RAVER1: variants seen among roughly 807,000 people sequenced by gnomAD.
RAVER1 encodes the protein ribonucleoprotein PTB-binding 1.
In RAVER1, 36 loss-of-function variants were observed where a neutral mutation model predicts 68.4. The ratio of observed to expected loss-of-function variants is 0.53; its 90% confidence interval spans 0.40 to 0.70. RAVER1 has a LOEUF of 0.70. RAVER1 is among the 30% of genes least tolerant of loss of function. RAVER1 has a pLI of 0.00. For missense variants in RAVER1, 933 were observed against 1,019.8 expected, an observed-to-expected ratio of 0.91 and a Z score of 1.16; for synonymous variants, 469 against 472.7, an observed-to-expected ratio of 0.99 and a Z score of 0.10.
At position 10,322,701 on chromosome 19, in the gene RAVER1, C is replaced by T; in HGVS notation, c.1117G>A (p.Gly373Arg). ...GAPPAMPLLN[G>R]PALSTALLQL... ...AACAGCGCCGTGGACAGGGCTGGCC[C>T]ATTGAGCAGCGGCATGGCTGGGGGG... The change falls in exon 6 of 13, where the codon GGG becomes AGG. Residue 373 changes from glycine (G) to arginine (R), a missense_variant. Gly to Arg is a moderately radical substitution (Grantham distance 125). Around this residue, in one of 3 missense-constraint regions of RAVER1, gnomAD observed 699 missense variants for 731.1 expected, o/e 0.96. Coordinates refer to ENST00000617231, the MANE Select transcript of RAVER1 (RefSeq NM_133452.3). The surrounding 1 kb of genome is among the most constrained non-coding windows in gnomAD (Gnocchi z 4.3). 1 of 1,531,060 alleles carries T rather than the reference C, an allele frequency of 6.5e-7. No homozygotes were observed. Among genetic ancestry groups the T allele is most frequent in the Non-Finnish European group, 8.7e-7 (1 of 1,149,602 alleles). 94.8% of individuals were successfully genotyped at this position (1,531,060 alleles called of 1,614,324 possible).
intron 10 of RAVER1, among the ~76,000 whole-genome samples, chr19:10,318,741 C>T (rs1032382301): frequency 6.6e-6 from 1 of 152,200 alleles, no homozygotes; most frequent in Non-Finnish European, 1.5e-5. Flanking sequence ...TCTTCCTCCT[C>T]CAGGAACCCA....
rs918461302 is a variant in RAVER1, at chr19:10,319,188, G to C, written c.1823C>G (p.Pro608Arg). 4 of 1,613,776 alleles carry C rather than the reference G, an allele frequency of 2.5e-6. No homozygotes were observed. The African/African-American group carries it at 4.0e-5, about 16-fold the overall frequency. ...TACCTTGTGTCGGCTGGGTCCGTGAGGCCCAAGGGCTGGTTCCCGTGGGTG... is the reference window on the plus strand; with the variant it reads ...TACCTTGTGTCGGCTGGGTCCGTGACGCCCAAGGGCTGGTTCCCGTGGGTG... ...FSHPREPALGPHGPSRHKMSP... is the reference protein window; with the variant it reads ...FSHPREPALGRHGPSRHKMSP... Residue 608 changes from proline (P) to arginine (R), a missense_variant, in exon 10 of 13, where the codon CCT becomes CGT. Coordinates refer to ENST00000617231, the MANE Select transcript of RAVER1 (RefSeq NM_133452.3).
intron 11 of RAVER1, among the ~76,000 whole-genome samples, 199 bp downstream of exon 11, chr19:10,318,030 G>T (rs939386658): frequency 7.2e-5 from 11 of 152,210 alleles, no homozygotes; most frequent in Non-Finnish European, 1.5e-4. Flanking sequence ...CAGAAAGCCC[G>T]GAATGCTGGC....
At chr19:10,320,169 G>A (rs2040424802) in intron 9 of RAVER1, among the ~76,000 whole-genome samples, 1 of 152,066 alleles carries the variant, frequency 6.6e-6, no homozygotes, top group Admixed American at 6.6e-5. Flanking sequence ...ACAGGCAGGT[G>A]GACCGGAAGC....
rs149714193 is a variant in RAVER1, at chr19:10,330,953, A to C, written c.220-427T>G. 5.9e-3 allele frequency among the ~76,000 whole-genome samples: 898 copies of C among 151,948 alleles called. 12 individuals carry two copies. Among genetic ancestry groups the C allele is most frequent in the African/African-American group, 0.021 (851 of 41,436 alleles). On this transcript the variant is annotated intron_variant, in intron 1 of 12. Transcript: ENST00000617231. Reference sequence around the variant, plus strand: ...GTGGCGCACACCTGTAATCCTAGCTACTCGGGAGGCTGAGGTAGGAGAACT... The same window carrying C: ...GTGGCGCACACCTGTAATCCTAGCTCCTCGGGAGGCTGAGGTAGGAGAACT...
chr19:10,321,601 T>C lies in RAVER1; in HGVS notation c.1191A>G (p.Gly397=). 7.1e-7 allele frequency: 1 copy of C among 1,409,346 alleles called. No individual in the cohort carries two copies. 87.3% of individuals were successfully genotyped at this position (1,409,346 alleles called of 1,614,324 possible). Residue 397 remains glycine (G), a synonymous_variant, in exon 7 of 13, where the codon GGA becomes GGG. Coordinates refer to ENST00000617231, the MANE Select transcript of RAVER1 (RefSeq NM_133452.3). The part of the protein sequence containing the change: ...TQGQKKPGIL[G]DSPLGALQPG... The stretch of plus-strand genomic sequence containing the variant: ...GCTGGAGGGCGCCCAGGGGTGAGTC[T>C]CCCAGGATGCCGGGCTTCTAGGGAC...
Position 10,328,675 on chromosome 19 carries a change from C to A in RAVER1, c.723G>T (p.Ala241=). Residue 241 remains alanine, a synonymous_variant, in exon 3 of 13, where the codon GCG becomes GCT. Coordinates refer to ENST00000617231, the MANE Select transcript of RAVER1 (RefSeq NM_133452.3). The surrounding 1 kb of genome is among the most constrained non-coding windows in gnomAD (Gnocchi z 4.4). ...AGGTGGGGCTGTGGACAGCTGACAGCGCCCGGCACAGAGCGTCCACATCGT... is the reference window on the plus strand; with the variant it reads ...AGGTGGGGCTGTGGACAGCTGACAGAGCCCGGCACAGAGCGTCCACATCGT... ...GFNDVDALCR[A]LSAVHSPTFC... The A allele has an allele frequency of 3.2e-6, 5 of 1,580,782 alleles. No individual in the cohort carries two copies. The highest frequency in any genetic ancestry group is 1.1e-5 in the South Asian group (1 of 87,076).
At chr19:10,332,905 C>A (rs1187612642) in intron 1 of RAVER1, among the ~76,000 whole-genome samples, 1 of 152,102 alleles carries the variant, frequency 6.6e-6, no homozygotes, top group East Asian at 1.9e-4. Flanking sequence ...TGTGAGGTCC[C>A]GCCACCCTGT....
chr19:10,329,094 T>C lies in RAVER1; in HGVS notation c.304A>G (p.Asn102Asp). 3.4e-6 allele frequency: 5 copies of C among 1,485,262 alleles called. No homozygotes were observed. The highest frequency in any genetic ancestry group is 4.5e-6 in the Non-Finnish European group (5 of 1,115,340). The allele number at this position is 1,485,262 out of a possible 1,614,324, so 92.0% of individuals were successfully genotyped here. Residue 102 changes from asparagine to aspartate, a missense_variant, in exon 3 of 13, where the codon AAT becomes GAT. Physicochemically the swap from Asn to Asp is conservative, Grantham distance 23 (BLOSUM62 1). This residue lies in a region of RAVER1 where 211 missense variants were observed against 230.0 expected (regional missense o/e 0.92). Coordinates refer to ENST00000617231, the MANE Select transcript of RAVER1 (RefSeq NM_133452.3). The surrounding 1 kb of genome is among the most constrained non-coding windows in gnomAD (Gnocchi z 4.6). ...YKGTAFVTLLNGEQAEAAINA... is the reference protein window; with the variant it reads ...YKGTAFVTLLDGEQAEAAINA... ...ATTGCGGCCTCGGCCTGCTCCCCAT[T>C]CAGCAGGGTCACGAAGGCTGCGGTG...
chr19:10,325,255 C>T (rs1025951828), intron 3 of RAVER1, among the ~76,000 whole-genome samples: 5 of 152,004 alleles, frequency 3.3e-5, no homozygotes, highest in African/African-American at 1.2e-4. Context: ...GACGGAGTCT[C>T]GCTCTGCCAC....
chr19:10,326,766 T>G (rs553349768), intron 3 of RAVER1, among the ~76,000 whole-genome samples: 14 of 150,438 alleles, frequency 9.3e-5, no homozygotes, highest in African/African-American at 3.2e-4. Context: ...TTTTTTTTTT[T>G]TTTTTTTTTT....
In RAVER1 at chr19:10,329,777, A is replaced by G. The variant is rs1034066398; in HGVS notation, c.287-666T>C. On this transcript the variant is annotated intron_variant, in intron 2 of 12. Coordinates refer to ENST00000617231, the MANE Select transcript of RAVER1 (RefSeq NM_133452.3). This position sits in a 1 kb window ranked among gnomAD's most constrained non-coding sequence, Gnocchi z 4.6. The stretch of plus-strand genomic sequence containing the variant: ...CATCCATCTTGTGGCTTCTAGCTGC[A>G]GGGTGCAGTGCAGCCTGTGCGGGCT... 3.3e-5 allele frequency among the ~76,000 whole-genome samples: 5 copies of G among 152,152 alleles called. No individual in the cohort carries two copies.
At chr19:10,327,338 A>C (rs2040482746) in intron 3 of RAVER1, among the ~76,000 whole-genome samples, 1 of 151,900 alleles carries the variant, frequency 6.6e-6, no homozygotes, top group African/African-American at 2.4e-5. Flanking sequence ...ATCATGGCTC[A>C]CTGCAGCCTC....
Position 10,316,335 on chromosome 19 carries a change from G to A in RAVER1, c.*1119C>T. The A allele has an allele frequency of 8.8e-7, 1 of 1,134,270 alleles. No individual in the cohort carries two copies. The highest frequency in any genetic ancestry group is 1.1e-6 in the Non-Finnish European group (1 of 923,330). The allele number at this position is 1,134,270 out of a possible 1,614,324, so 70.3% of individuals were successfully genotyped here. ...GGACCCCCAGAGTCAAGGGAGGGAAGCTGGTGGCCCAGTTGGCTGGGGGCA... is the reference window on the plus strand; with the variant it reads ...GGACCCCCAGAGTCAAGGGAGGGAAACTGGTGGCCCAGTTGGCTGGGGGCA... On this transcript the variant is annotated 3_prime_UTR_variant, in exon 13 of 13. Transcript: ENST00000617231.
In RAVER1 at chr19:10,316,282, G is replaced by A. The variant is rs528056961; in HGVS notation, c.*1172C>T. Reference sequence around the variant, plus strand: ...CGTGTGGGGAGACTGGGGTGGGGTCGGGGGAATAGTCCCCTTGGAGTGGAT... The same window carrying A: ...CGTGTGGGGAGACTGGGGTGGGGTCAGGGGAATAGTCCCCTTGGAGTGGAT... On this transcript the variant is annotated 3_prime_UTR_variant, in exon 13 of 13. Transcript: ENST00000617231. 1.9e-5 allele frequency: 24 copies of A among 1,261,188 alleles called. No homozygotes were observed. The South Asian group carries it at 4.4e-4, about 23-fold the overall frequency. 78.1% of individuals were successfully genotyped at this position (1,261,188 alleles called of 1,614,324 possible).
chr19:10,317,805 T>G lies in RAVER1; in HGVS notation c.1990-32A>C. ...GAAATGGAGAGGTGGAACAGGTCACTCCCTGGGGGCCAGAGGAAGCACCCA... is the reference window on the plus strand; with the variant it reads ...GAAATGGAGAGGTGGAACAGGTCACGCCCTGGGGGCCAGAGGAAGCACCCA... On this transcript the variant is annotated intron_variant, in intron 11 of 12. Transcript: ENST00000617231. This position sits in a 1 kb window ranked among gnomAD's most constrained non-coding sequence, Gnocchi z 4.3. The G allele has an allele frequency of 7.5e-7, 1 of 1,335,064 alleles. No homozygotes were observed. The highest frequency in any genetic ancestry group is 1.1e-6 in the Non-Finnish European group (1 of 947,808). The allele number at this position is 1,335,064 out of a possible 1,614,324, so 82.7% of individuals were successfully genotyped here. A position where few individuals can be genotyped will look rare whatever the true frequency, so the allele number is the denominator to read the frequency against.
chr19:10,330,810 T>C (rs560024628), intron 1 of RAVER1, among the ~76,000 whole-genome samples: 3 of 152,276 alleles, frequency 2.0e-5, no homozygotes, highest in African/African-American at 7.2e-5. Flanking sequence ...ACGCTTATAA[T>C]CCCAGCATTT....
Position 10,317,840 on chromosome 19 carries a change from C to T in RAVER1, c.1990-67G>A. The T allele has an allele frequency of 1.1e-6, 1 of 884,876 alleles. No individual in the cohort carries two copies. The highest frequency in any genetic ancestry group is 1.8e-6 in the Non-Finnish European group (1 of 543,836). The allele number at this position is 884,876 out of a possible 1,614,324, so 54.8% of individuals were successfully genotyped here. A position where few individuals can be genotyped will look rare whatever the true frequency, so the allele number is the denominator to read the frequency against. On this transcript the variant is annotated intron_variant, in intron 11 of 12. Coordinates refer to ENST00000617231, the MANE Select transcript of RAVER1 (RefSeq NM_133452.3). The surrounding 1 kb of genome is among the most constrained non-coding windows in gnomAD (Gnocchi z 4.3). ...CCAGAGGAAGCACCCACCCCGCCCC[C>T]CTGCCACTGCCCCCCAGCCCTGAGG... is the stretch of plus-strand genomic sequence containing the variant.
Position 10,330,457 on chromosome 19 carries a change from A to G in RAVER1, c.286+3T>C, listed in dbSNP as rs1307750705. 6.8e-7 allele frequency: 1 copy of G among 1,480,752 alleles called. No individual in the cohort carries two copies. Among genetic ancestry groups the G allele is most frequent in the Middle Eastern group, 1.9e-4 (1 of 5,278 alleles). The allele number at this position is 1,480,752 out of a possible 1,614,324, so 91.7% of individuals were successfully genotyped here. Reference sequence around the variant, plus strand: ...CCCTGGCCCGCCCCATGGCCCCACAAACCTGTCCCTTTGTATTTGTCCACA... The same window carrying G: ...CCCTGGCCCGCCCCATGGCCCCACAGACCTGTCCCTTTGTATTTGTCCACA... On this transcript the variant is annotated splice_donor_region_variant and intron_variant, in intron 2 of 12. Coordinates refer to ENST00000617231, the MANE Select transcript of RAVER1 (RefSeq NM_133452.3).
Sources: gnomAD v4.1 joint callset for allele counts (sites outside exome capture counted in the v4.1 genomes callset) on GRCh38, gnomAD v4.1.1 for gene constraint, gnomAD v4.1.1 regional missense constraint, Gnocchi (gnomAD v3.1) non-coding constraint, MANE v1.5 for transcripts, NCBI Gene and HGNC (gene_info 2026-07-23, HGNC 2026-07-21) for gene names.